Variants in DDB1 observed in about 807,000 individuals in gnomAD.
The protein encoded by DDB1 is damage specific DNA binding protein 1.
DDB1 carries 18 observed loss-of-function variants against 133.1 expected under a neutral mutation model. The observed-to-expected ratio is 0.14, with a 90% CI of 0.09 to 0.20. DDB1 has a LOEUF of 0.20. DDB1 is among the 10% of genes least tolerant of loss of function. DDB1 has a pLI of 1.00. For missense variants in DDB1, 828 were observed against 1,459.2 expected, an observed-to-expected ratio of 0.57 and a Z score of 7.05; for synonymous variants, 580 against 550.5, an observed-to-expected ratio of 1.05 and a Z score of -0.75.
At chr11:61,316,973 A>ATATG (rs1856091648) in intron 10 of DDB1, among the ~76,000 whole-genome samples, 1 of 68,706 alleles carries the variant, frequency 1.5e-5, no homozygotes, top group Non-Finnish European at 3.2e-5. Flanking sequence ...ATATATATAT[A>ATATG]TATATATATA....
In DDB1 at chr11:61,313,488, AAG is replaced by A; in HGVS notation, c.2069+9_2069+10del. ...CAATAGCTCTCATTAAATAAGGAAA[AAG>A]AGACTCACCTGTCAGGATAGCCATC... On this transcript the variant is annotated intron_variant, in intron 16 of 26. Transcript: ENST00000301764. 5.6e-6 allele frequency: 9 copies of A among 1,611,862 alleles called. No individual in the cohort carries two copies. Among genetic ancestry groups the A allele is most frequent in the Non-Finnish European group, 7.6e-6 (9 of 1,178,338 alleles).
At chr11:61,327,769 C>T (rs1856292944) in intron 4 of DDB1, among the ~76,000 whole-genome samples, 1 of 152,220 alleles carries the variant, frequency 6.6e-6, no homozygotes, top group Admixed American at 6.5e-5. Flanking sequence ...AAGAAAGCTA[C>T]ACTCAGCCAG....
chr11:61,307,388 T>C (rs1301440486), intron 21 of DDB1, among the ~76,000 whole-genome samples: 1 of 151,140 alleles, frequency 6.6e-6, no homozygotes, highest in Admixed American at 6.6e-5. Flanking sequence ...CTAATCTTTA[T>C]GTTACCTGAC....
chr11:61,300,021 G>T lies in DDB1; in HGVS notation c.*115C>A. The stretch of plus-strand genomic sequence containing the variant: ...ACATAGGGGAACTGTGGCTCTGGGG[G>T]CAGCTGGCTTAGGGAAAGGCCTCCC... On this transcript the variant is annotated 3_prime_UTR_variant, in exon 27 of 27. Coordinates refer to ENST00000301764, the MANE Select transcript of DDB1 (RefSeq NM_001923.5). The T allele has an allele frequency of 3.1e-6, 3 of 967,514 alleles. No individual in the cohort carries two copies. Among genetic ancestry groups the T allele is most frequent in the Admixed American group, 1.9e-5 (1 of 51,864 alleles). The allele number at this position is 967,514 out of a possible 1,614,324, so 59.9% of individuals were successfully genotyped here.
At chr11:61,319,929 T>C (rs1856150674) in intron 10 of DDB1, among the ~76,000 whole-genome samples, 1 of 152,264 alleles carries the variant, frequency 6.6e-6, no homozygotes, top group Admixed American at 6.5e-5. Flanking sequence ...TTCAGGAGTA[T>C]CTTTAAGTTT....
At position 61,322,294 on chromosome 11, in the gene DDB1, ACCTGCC is replaced by A; in HGVS notation, c.1118_1122+1del. The A allele has an allele frequency of 6.2e-7, 1 of 1,613,060 alleles. No homozygotes were observed. Among genetic ancestry groups the A allele is most frequent in the Non-Finnish European group, 8.5e-7 (1 of 1,179,118 alleles). On this transcript the variant is annotated splice_donor_variant and coding_sequence_variant, in exon 9 of 27. Coordinates refer to ENST00000301764, the MANE Select transcript of DDB1 (RefSeq NM_001923.5). LOFTEE classifies it high-confidence loss of function. ...ACTATCCACTTTCAGAATGGCCCTT[ACCTGCC>A]CCTGCCCCTGCCTCTCCAGGTCCAC...
At position 61,326,782 on chromosome 11, in the gene DDB1, C is replaced by T. The variant is rs1258234667; in HGVS notation, c.661G>A (p.Ala221Thr). Residue 221 changes from alanine (A) to threonine (T), a missense_variant, in exon 5 of 27, where the codon GCA becomes ACA. Transcript: ENST00000301764. ...NVEAEASMVI[A>T]VPEPFGGAII... ...ATTTCCTAAACCCCCTACCAACCTG[C>T]GATCACCATGGAAGCTTCAGCTTCG... is the stretch of plus-strand genomic sequence containing the variant. 1.2e-6 allele frequency: 2 copies of T among 1,613,812 alleles called. No individual in the cohort carries two copies. Among genetic ancestry groups the T allele is most frequent in the South Asian group, 1.1e-5 (1 of 91,076 alleles).
Position 61,322,686 on chromosome 11 carries a change from T to C in DDB1, c.1006-274A>G, listed in dbSNP as rs117213638. 4.5e-3 allele frequency: 2,418 copies of C among 541,200 alleles called. 13 individuals carry two copies. The highest frequency in any genetic ancestry group is 5.9e-3 in the Non-Finnish European group (1,804 of 304,334). The allele number at this position is 541,200 out of a possible 1,614,324, so 33.5% of individuals were successfully genotyped here. The stretch of plus-strand genomic sequence containing the variant: ...TGAAAATTAATGTAAAATGTTTGCA[T>C]GCATTTTTCTGCAGAGAAGGTCCGA... On this transcript the variant is annotated intron_variant, in intron 8 of 26. Transcript: ENST00000301764.
chr11:61,314,878 G>A (rs1219559970), intron 12 of DDB1: 1 of 142,374 alleles, frequency 7.0e-6, no homozygotes, highest in Admixed American at 7.8e-5. Context: ...TGCCCAGGCT[G>A]GAGTGCAGTG....
rs28720330 is a variant in DDB1, at chr11:61,310,002, T to C, written c.2402-42A>G. 4,182 of 1,613,118 alleles carry C rather than the reference T, an allele frequency of 2.6e-3. 112 individuals carry two copies. In the African/African-American group the frequency reaches 0.049, roughly 19 times the overall value. ...TGACTACGTGATGACAGGTTACCCA[T>C]ATCTGCACGCACACATAACCCCGTA... is the stretch of plus-strand genomic sequence containing the variant. On this transcript the variant is annotated intron_variant, in intron 19 of 26. Coordinates refer to ENST00000301764, the MANE Select transcript of DDB1 (RefSeq NM_001923.5).
chr11:61,321,068 T>C (rs1251968685), intron 10 of DDB1, among the ~76,000 whole-genome samples: 2 of 151,674 alleles, frequency 1.3e-5, no homozygotes, highest in Non-Finnish European at 2.9e-5. Context: ...ATTTTTTTTA[T>C]AGAGATGAGG....
At chr11:61,315,553 CAG>C (rs1031691826) in intron 12 of DDB1, 15 of 152,196 alleles carry the variant, frequency 9.9e-5, no homozygotes. Flanking sequence ...GATAAAAAGA[CAG>C]AGACAGTTCA....
chr11:61,309,425 A>G (rs1855926476), intron 20 of DDB1, among the ~76,000 whole-genome samples: 2 of 152,160 alleles, frequency 1.3e-5, no homozygotes, highest in African/African-American at 4.8e-5. Flanking sequence ...AAGATATTAA[A>G]ATATAAACAC....
chr11:61,327,472 T>C (rs1856289251), intron 4 of DDB1: 1 of 155,328 alleles, frequency 6.4e-6, no homozygotes, highest in Non-Finnish European at 1.4e-5. Context: ...AGATACAGTG[T>C]GTGTGCCTGT....
In DDB1 at chr11:61,302,635, G is replaced by A; in HGVS notation, c.3059C>T (p.Thr1020Ile). Residue 1020 changes from threonine to isoleucine, a missense_variant, in exon 24 of 27, where the codon ACT becomes ATT. By Grantham distance (89) the Thr-to-Ile change is moderately conservative. This residue lies in a region of DDB1 where 116 missense variants were observed against 221.6 expected (regional missense o/e 0.52). Coordinates refer to ENST00000301764, the MANE Select transcript of DDB1 (RefSeq NM_001923.5). The stretch of plus-strand genomic sequence containing the variant: ...CACCGAGCCTTGTGTGGGGGTGGAA[G>A]TCTCACCCAGATTCTGCATTACCAG... ...GSLVMQNLGETSTPTQGSVLF... is the reference protein window; with the variant it reads ...GSLVMQNLGEISTPTQGSVLF... 1.2e-6 allele frequency: 2 copies of A among 1,614,236 alleles called. No homozygotes were observed. Among genetic ancestry groups the A allele is most frequent in the South Asian group, 2.2e-5 (2 of 91,090 alleles).
At chr11:61,331,212 T>C (rs1307413909) in intron 2 of DDB1, among the ~76,000 whole-genome samples, 1 of 152,194 alleles carries the variant, frequency 6.6e-6, no homozygotes, top group Admixed American at 6.5e-5. Context: ...CTTTTACTTC[T>C]AGAAAGCTTG....
At chr11:61,316,962 T>TAGAG (rs1565034242) in intron 10 of DDB1, among the ~76,000 whole-genome samples, 2 of 24,116 alleles carry the variant, frequency 8.3e-5, no homozygotes, top group Admixed American at 4.0e-4. Flanking sequence ...TATATATATA[T>TAGAG]ATATATATAT....
chr11:61,311,672 T>G (rs573696112), intron 18 of DDB1, 112 bp downstream of exon 18: 1 of 882,308 alleles, frequency 1.1e-6, no homozygotes, highest in East Asian at 2.6e-5. Context: ...GAACAGTCAG[T>G]GGTAACTGAG....
In DDB1 at chr11:61,322,274, C is replaced by G. The variant is rs775544952; in HGVS notation, c.1122+22G>C. 1.9e-6 allele frequency: 3 copies of G among 1,581,890 alleles called. No homozygotes were observed. The Admixed American group carries it at 5.0e-5, about 26-fold the overall frequency. ...GTTTGAGTGGGCATATACCAACTAT[C>G]CACTTTCAGAATGGCCCTTACCTGC... On this transcript the variant is annotated intron_variant, in intron 9 of 26. Coordinates refer to ENST00000301764, the MANE Select transcript of DDB1 (RefSeq NM_001923.5).
Sources: allele counts gnomAD v4.1 joint callset (sites outside exome capture counted in the v4.1 genomes callset), GRCh38; gene constraint gnomAD v4.1.1; regional missense constraint gnomAD v4.1.1; transcripts MANE v1.5; gene names NCBI Gene and HGNC (gene_info 2026-07-23, HGNC 2026-07-21).